Variants in APPBP2 observed in about 807,000 individuals in gnomAD.
APPBP2 encodes amyloid protein-binding protein 2.
A neutral mutation model predicts 76.0 loss-of-function variants in APPBP2; 15 were observed. That is an observed-to-expected ratio of 0.20 (90% CI 0.13 to 0.30). APPBP2 has a LOEUF of 0.30. Among genes scored for constraint, APPBP2 ranks in the 10% least tolerant of loss-of-function variants. The pLI is 1.00. For synonymous variants in APPBP2, 222 were observed against 242.2 expected (o/e 0.92, Z 0.77); for missense variants, 401 against 687.2 (o/e 0.58, Z 4.66).
intron 1 of APPBP2, chr17:60,513,168 C>T (rs575290608): frequency 8.7e-6 from 3 of 346,752 alleles, no homozygotes; most frequent in Non-Finnish European, 1.6e-5. Flanking sequence ...CTACAGTAAC[C>T]TCATCAGCCT....
chr17:60,507,103 T>C (rs1412480849), intron 1 of APPBP2, among the ~76,000 whole-genome samples: 2 of 152,202 alleles, frequency 1.3e-5, no homozygotes, highest in African/African-American at 2.4e-5. Context: ...TTTGCAGGCT[T>C]GTTACACGGT....
intron 2 of APPBP2, among the ~76,000 whole-genome samples, chr17:60,499,163 T>C (rs2090801237): frequency 6.6e-6 from 1 of 151,096 alleles, no homozygotes; most frequent in African/African-American, 2.4e-5. Context: ...AGACCTCATC[T>C]CTACTAAAAA....
chr17:60,460,355 C>T lies in APPBP2; in HGVS notation c.1061+308G>A, dbSNP rs376433816. 3.5e-5 allele frequency: 6 copies of T among 172,670 alleles called. No individual in the cohort carries two copies. The South Asian group carries it at 7.1e-4, about 21-fold the overall frequency. The allele number at this position is 172,670 out of a possible 1,614,324, so 10.7% of individuals were successfully genotyped here. A position where few individuals can be genotyped will look rare whatever the true frequency, so the allele number is the denominator to read the frequency against. ...CTGGGACCACAGGCATGCACCAAAA[C>T]GTCCATCTAGTTTTAAAAATTTTTT... On this transcript the variant is annotated intron_variant, in intron 9 of 12. Coordinates refer to ENST00000083182, the MANE Select transcript of APPBP2 (RefSeq NM_006380.5).
chr17:60,474,176 T>TA (rs1027459461), intron 4 of APPBP2, among the ~76,000 whole-genome samples: 13 of 151,312 alleles, frequency 8.6e-5, no homozygotes, highest in African/African-American at 3.2e-4. Context: ...ATTTTTTTTT[T>TA]ATTTTTTTTT....
intron 12 of APPBP2, among the ~76,000 whole-genome samples, chr17:60,448,054 G>T (rs572632709): frequency 1.3e-5 from 2 of 152,268 alleles, no homozygotes; most frequent in South Asian, 4.1e-4. Context: ...AAAGAAGTTG[G>T]CCTCATTAGA....
chr17:60,460,569 T>C (rs546792990), intron 9 of APPBP2, 94 bp downstream of exon 9: 1 of 1,269,622 alleles, frequency 7.9e-7, no homozygotes, highest in South Asian at 1.6e-5. Flanking sequence ...TATCAAGTAC[T>C]ATTATTAATG....
rs2090476160 is a variant in APPBP2 at position 60,461,572 on chromosome 17, TACTCCC to T, written c.936+232_936+237del. 61 of 372,538 alleles carry T rather than the reference TACTCCC, an allele frequency of 1.6e-4. 3 individuals are homozygous for T. In the East Asian group the frequency reaches 2.6e-3, roughly 16 times the overall value. 23.1% of individuals were successfully genotyped at this position (372,538 alleles called of 1,614,324 possible). A position where few individuals can be genotyped will look rare whatever the true frequency, so the allele number is the denominator to read the frequency against. ...CATGGGTAAATAAAAAATGGAAAACTACTCCCACATATGAGCTCACAACCCAATAAT... is the reference window on the plus strand; with the variant it reads ...CATGGGTAAATAAAAAATGGAAAACTACATATGAGCTCACAACCCAATAAT... On this transcript the variant is annotated intron_variant, in intron 8 of 12. Coordinates refer to ENST00000083182, the MANE Select transcript of APPBP2 (RefSeq NM_006380.5).
chr17:60,517,597 A>C (rs927641972), intron 1 of APPBP2, among the ~76,000 whole-genome samples: 2 of 152,196 alleles, frequency 1.3e-5, no homozygotes, highest in African/African-American at 4.8e-5. Context: ...TTCTTCCCTG[A>C]TACAGAAATT....
Position 60,494,510 on chromosome 17 carries a change from T to A in APPBP2, c.335A>T (p.Asp112Val), listed in dbSNP as rs373803347. ...SRRCSYIAES[D>V]AAVKEKAIQV... The stretch of plus-strand genomic sequence containing the variant: ...AATGGCTTTTTCCTTTACTGCAGCA[T>A]CTGATTCTGCTATATAAGAGCACCG... The change falls in exon 3 of 13, where the codon GAT (aspartate) becomes GTT (valine). Residue 112 changes from aspartate (D) to valine (V), a missense_variant. Asp to Val is a radical substitution (Grantham distance 152, BLOSUM62 -3). Around this residue, in one of 5 missense-constraint regions of APPBP2, gnomAD observed 149 missense variants for 198.4 expected, o/e 0.75. Transcript: ENST00000083182. 2 of 1,611,832 alleles carry A rather than the reference T, an allele frequency of 1.2e-6. No homozygotes were observed. Among genetic ancestry groups the A allele is most frequent in the South Asian group, 1.1e-5 (1 of 90,480 alleles).
intron 1 of APPBP2, among the ~76,000 whole-genome samples, chr17:60,524,610 G>GAAAAAAAAAAAAAAA (rs35185909): frequency 2.0e-5 from 1 of 49,936 alleles, no homozygotes; most frequent in Admixed American, 2.7e-4. Context: ...TGCTAATTCT[G>GAAAAAAAAAAAAAAA]AAAAAAAAAA....
chr17:60,519,742 A>C (rs2090992924), intron 1 of APPBP2, among the ~76,000 whole-genome samples: 1 of 150,690 alleles, frequency 6.6e-6, no homozygotes, highest in Non-Finnish European at 1.5e-5. Context: ...CCAATAATTT[A>C]TTCTGATACT....
chr17:60,452,097 G>C (rs755093801), intron 11 of APPBP2, 52 bp from the exon 12 acceptor site: 57 of 1,568,772 alleles, frequency 3.6e-5, no homozygotes, highest in Non-Finnish European at 5.0e-5. Flanking sequence ...CATCTTAACA[G>C]TTCTTACTCA....
intron 1 of APPBP2, among the ~76,000 whole-genome samples, chr17:60,503,171 C>T (rs1233750451): frequency 2.1e-5 from 3 of 144,864 alleles, no homozygotes; most frequent in Admixed American, 6.7e-5. Flanking sequence ...GGATACCACG[C>T]CCAGGTAATT....
Position 60,505,268 on chromosome 17 carries a change from CTT to C in APPBP2, c.139-4783_139-4782del, listed in dbSNP as rs1406943729. ...AAAGTAACTCATATCATGCCATTCTCTTGTTTAAAACCTTTATTTAAATGGCA... is the reference window on the plus strand; with the variant it reads ...AAAGTAACTCATATCATGCCATTCTCGTTTAAAACCTTTATTTAAATGGCA... On this transcript the variant is annotated intron_variant, in intron 1 of 12. Coordinates refer to ENST00000083182, the MANE Select transcript of APPBP2 (RefSeq NM_006380.5). Among the ~76,000 whole-genome samples the C allele has an allele frequency of 2.6e-5, 4 of 152,358 alleles. No homozygotes were observed. In the East Asian group the frequency reaches 7.7e-4, roughly 29 times the overall value.
intron 3 of APPBP2, among the ~76,000 whole-genome samples, chr17:60,484,242 T>C (rs2090654958): frequency 6.6e-6 from 1 of 152,108 alleles, no homozygotes. Context: ...AACTTTAGAG[T>C]AGTTTTTTCC....
chr17:60,500,295 C>T, intron 2 of APPBP2, 104 bp downstream of exon 2: 1 of 795,686 alleles, frequency 1.3e-6, no homozygotes, highest in South Asian at 1.8e-5. Flanking sequence ...GCGTAAGCCA[C>T]AGCACCCAGC....
intron 3 of APPBP2, among the ~76,000 whole-genome samples, chr17:60,491,997 A>G (rs2090733823): frequency 6.6e-6 from 1 of 152,114 alleles, no homozygotes; most frequent in South Asian, 2.1e-4. Flanking sequence ...TGGTTTTGTG[A>G]GTTGAGCCCA....
intron 11 of APPBP2, among the ~76,000 whole-genome samples, chr17:60,452,702 C>A (rs888523147): frequency 3.3e-5 from 5 of 152,124 alleles, no homozygotes; most frequent in Non-Finnish European, 7.3e-5. Context: ...AGGCAGATTG[C>A]TTGAGCCCAG....
At position 60,523,521 on chromosome 17, in the gene APPBP2, T is replaced by C. The variant is rs142021551; in HGVS notation, c.138+2273A>G. On this transcript the variant is annotated intron_variant, in intron 1 of 12. Coordinates refer to ENST00000083182, the MANE Select transcript of APPBP2 (RefSeq NM_006380.5). ...ACAAAAAAAGTTTCTTATATGTATA[T>C]GCTAATAGTGTTTAAAAGGAAGAAA... Among the ~76,000 whole-genome samples, 1,226 of 152,092 alleles carry C rather than the reference T, an allele frequency of 8.1e-3. 6 individuals carry two copies. The highest frequency in any genetic ancestry group is 0.012 in the Non-Finnish European group (840 of 67,978).
Sources: gnomAD v4.1 joint callset for allele counts (sites outside exome capture counted in the v4.1 genomes callset) on GRCh38, gnomAD v4.1.1 for gene constraint, gnomAD v4.1.1 regional missense constraint, MANE v1.5 for transcripts, NCBI Gene and HGNC (gene_info 2026-07-23, HGNC 2026-07-21) for gene names.